The following IQCJ variants were observed in gnomAD, a reference collection of about 807,000 sequenced individuals.
IQCJ encodes IQ motif containing J, also known as IQ domain-containing protein J.
A neutral mutation model predicts 11.0 loss-of-function variants in IQCJ; 9 were observed. The observed-to-expected ratio is 0.82, with a 90% CI of 0.49 to 1.43. The LOEUF (loss-of-function observed/expected upper bound fraction) is 1.43, where lower values mean the gene tolerates loss of function less well. Among genes scored for constraint, IQCJ ranks in the 40% most tolerant of loss-of-function variants. IQCJ has a pLI of 0.00. For missense variants in IQCJ, 146 were observed against 133.2 expected (o/e 1.10, Z -0.47); for synonymous variants, 55 against 51.3 (o/e 1.07, Z -0.31).
At chr3:159,244,265 G>A (rs1269362624) in intron 1 of IQCJ, among the ~76,000 whole-genome samples, 2 of 152,178 alleles carry the variant, frequency 1.3e-5, no homozygotes, top group Non-Finnish European at 2.9e-5. Context: ...TGAAGAGTTA[G>A]GATAGATAGA....
intron 1 of IQCJ, among the ~76,000 whole-genome samples, chr3:159,174,935 ACAT>A (rs1468696532): frequency 6.6e-6 from 1 of 152,172 alleles, no homozygotes; most frequent in Non-Finnish European, 1.5e-5. Context: ...TAAGCTGTGA[ACAT>A]TGTCAGCTTT....
intron 1 of IQCJ, among the ~76,000 whole-genome samples, chr3:159,072,149 A>G (rs1715605616): frequency 1.3e-5 from 2 of 152,076 alleles, no homozygotes; most frequent in Non-Finnish European, 2.9e-5. Flanking sequence ...GAGGCAAGAC[A>G]CCTTCAATAT....
At chr3:159,129,343 A>T (rs776131625) in intron 1 of IQCJ, among the ~76,000 whole-genome samples, 3 of 152,238 alleles carry the variant, frequency 2.0e-5, no homozygotes, top group African/African-American at 7.2e-5. Flanking sequence ...TGAGAAGCTC[A>T]GGGCTAGTCC....
rs1722774215 is a variant in IQCJ at position 159,175,985 on chromosome 3, C to G, written c.10-69858C>G. On this transcript the variant is annotated intron_variant, in intron 1 of 3. Transcript: ENST00000397832. ...TTGTTGACACTTGAAATTGGTCAGT[C>G]TTCTTAATTTTAGCAATTTTAGTTG... 2.6e-5 allele frequency among the ~76,000 whole-genome samples: 4 copies of G among 152,156 alleles called. No homozygotes were observed. The South Asian group carries it at 8.3e-4, about 32-fold the overall frequency.
chr3:159,148,912 A>G (rs990860943), intron 1 of IQCJ, among the ~76,000 whole-genome samples: 4 of 152,312 alleles, frequency 2.6e-5, no homozygotes, highest in Non-Finnish European at 4.4e-5. Context: ...CAACAATACC[A>G]TAATTAAGAA....
In IQCJ at chr3:159,233,270, G is replaced by A. The variant is rs559877644; in HGVS notation, c.10-12573G>A. On this transcript the variant is annotated intron_variant, in intron 1 of 3. Coordinates refer to ENST00000397832, the MANE Select transcript of IQCJ (RefSeq NM_001042706.3). ...TGGTATGAAGTCCTGCCAGGCCCAG[G>A]GGCTTAGGCTCTATCTGCTAGGTGA... Among the ~76,000 whole-genome samples, 5 of 152,224 alleles carry A rather than the reference G, an allele frequency of 3.3e-5. No homozygotes were observed. The South Asian group carries it at 1.0e-3, about 32-fold the overall frequency.
chr3:159,264,298 C>A (rs115024185), downstream of IQCJ, among the ~76,000 whole-genome samples: 642 of 152,312 alleles, frequency 4.2e-3, 6 homozygotes, highest in African/African-American at 0.015. Context: ...ATTTGTACGG[C>A]TGTACTGCTT....
At chr3:159,252,392 A>G (rs887613844) in intron 2 of IQCJ, among the ~76,000 whole-genome samples, 1 of 152,210 alleles carries the variant, frequency 6.6e-6, no homozygotes, top group Non-Finnish European at 1.5e-5. Context: ...GGCCAGTATC[A>G]TGGAATTTAT....
intron 1 of IQCJ, among the ~76,000 whole-genome samples, chr3:159,150,565 A>G (rs1265896247): frequency 6.7e-6 from 1 of 149,646 alleles, no homozygotes; most frequent in Non-Finnish European, 1.5e-5. Flanking sequence ...CACCAATAGC[A>G]TATGTTGCAT....
chr3:159,131,353 G>A (rs2108161453), intron 1 of IQCJ, among the ~76,000 whole-genome samples: 1 of 149,800 alleles, frequency 6.7e-6, no homozygotes, highest in South Asian at 2.1e-4. Context: ...TTTTCTCTGT[G>A]CTCTGGGTGC....
chr3:159,102,231 C>G (rs138343347), intron 1 of IQCJ, among the ~76,000 whole-genome samples: 1 of 152,200 alleles, frequency 6.6e-6, no homozygotes, highest in African/African-American at 2.4e-5. Flanking sequence ...AATCTTCTCT[C>G]TTCTCTTTGC....
At chr3:159,152,991 A>G (rs1721314430) in intron 1 of IQCJ, among the ~76,000 whole-genome samples, 1 of 152,218 alleles carries the variant, frequency 6.6e-6, no homozygotes, top group Non-Finnish European at 1.5e-5. Context: ...AACTGAAAAA[A>G]TTATTTTGAG....
intron 1 of IQCJ, among the ~76,000 whole-genome samples, chr3:159,139,866 C>A (rs1034599838): frequency 1.3e-5 from 2 of 152,144 alleles, no homozygotes; most frequent in African/African-American, 4.8e-5. Flanking sequence ...TGCCCATTTG[C>A]CTAATAAAGA....
intron 1 of IQCJ, among the ~76,000 whole-genome samples, chr3:159,087,983 C>T (rs919014759): frequency 1.0e-3 from 151 of 151,036 alleles, no homozygotes; most frequent in African/African-American, 3.3e-3. Flanking sequence ...TTTGCTCTTG[C>T]TTTTCTAGTT....
chr3:159,239,206 A>G (rs1048892719), intron 1 of IQCJ, among the ~76,000 whole-genome samples: 3 of 152,222 alleles, frequency 2.0e-5, no homozygotes, highest in Non-Finnish European at 4.4e-5. Flanking sequence ...GTGTTTTTGT[A>G]TAGCTAGCTT....
intron 1 of IQCJ, among the ~76,000 whole-genome samples, chr3:159,101,603 C>T (rs1168151336): frequency 6.6e-6 from 1 of 152,188 alleles, no homozygotes; most frequent in Non-Finnish European, 1.5e-5. Context: ...TCATCTTTGC[C>T]AACAGAGCTC....
chr3:159,110,245 G>T (rs1033516325), intron 1 of IQCJ, among the ~76,000 whole-genome samples: 1 of 152,084 alleles, frequency 6.6e-6, no homozygotes, highest in Non-Finnish European at 1.5e-5. Context: ...CAATAAAATG[G>T]GGATGAATCT....
intron 1 of IQCJ, among the ~76,000 whole-genome samples, chr3:159,111,127 G>A (rs1413729686): frequency 6.6e-6 from 1 of 152,176 alleles, no homozygotes; most frequent in Non-Finnish European, 1.5e-5. Context: ...ACACAGTTTT[G>A]ATGTACATTT....
intron 1 of IQCJ, among the ~76,000 whole-genome samples, chr3:159,155,907 G>T (rs1435130415): frequency 6.6e-6 from 1 of 152,138 alleles, no homozygotes; most frequent in South Asian, 2.1e-4. Flanking sequence ...ACAGATGGGC[G>T]CTCAGTGTAC....
Sources: gnomAD v4.1 joint callset for allele counts (sites outside exome capture counted in the v4.1 genomes callset) on GRCh38, gnomAD v4.1.1 for gene constraint, MANE v1.5 for transcripts, NCBI Gene and HGNC (gene_info 2026-07-23, HGNC 2026-07-21) for gene names.